DEPDC5: variants seen among roughly 807,000 people sequenced by gnomAD.
DEPDC5 encodes the protein GATOR1 complex protein DEPDC5.
In DEPDC5, 73 loss-of-function variants were observed where a neutral mutation model predicts 217.3. That is an observed-to-expected ratio of 0.34 (90% CI 0.28 to 0.41). The LOEUF (loss-of-function observed/expected upper bound fraction) is 0.41, where lower values mean the gene tolerates loss of function less well. Ranked by LOEUF, DEPDC5 falls within the 10% of genes least tolerant of loss-of-function variation. The probability of loss-of-function intolerance (pLI) is 1.00; values close to 1 mark genes in which losing one functional copy is unlikely to be tolerated. For synonymous variants in DEPDC5, 733 were observed against 756.7 expected (o/e 0.97, Z 0.51); for missense variants, 1,675 against 2,070.1 (o/e 0.81, Z 3.70).
intron 25 of DEPDC5, among the ~76,000 whole-genome samples, chr22:31,836,223 G>A (rs2090984533): frequency 6.6e-6 from 1 of 152,232 alleles, no homozygotes; most frequent in Admixed American, 6.5e-5. Context: ...CATCTAGTGA[G>A]TAGAGTCCAA....
At chr22:31,791,963 G>A (rs911452117) in intron 10 of DEPDC5, 70 bp from the exon 11 acceptor site, 6 of 617,564 alleles carry the variant, frequency 9.7e-6, no homozygotes, top group Admixed American at 2.6e-5. Flanking sequence ...AATATTATAT[G>A]CATGCAGTCT....
At chr22:31,887,254 A>G (rs1306352159) in intron 38 of DEPDC5, among the ~76,000 whole-genome samples, 1 of 151,774 alleles carries the variant, frequency 6.6e-6, no homozygotes, top group Non-Finnish European at 1.5e-5. Context: ...CCCTGTCTCT[A>G]CTAAAAATAC....
intron 4 of DEPDC5, among the ~76,000 whole-genome samples, chr22:31,761,371 G>A (rs1273490704): frequency 6.6e-6 from 1 of 152,078 alleles, no homozygotes; most frequent in Non-Finnish European, 1.5e-5. Context: ...TTATAGGTAA[G>A]AACATGCAGT....
chr22:31,827,039 A>G (rs2090207933), intron 24 of DEPDC5, among the ~76,000 whole-genome samples: 1 of 152,010 alleles, frequency 6.6e-6, no homozygotes, highest in African/African-American at 2.4e-5. Flanking sequence ...GACTACAGGC[A>G]CATACCACCA....
intron 10 of DEPDC5, 32 bp from the exon 11 acceptor site, chr22:31,792,001 C>A: frequency 3.1e-6 from 4 of 1,296,358 alleles, no homozygotes; most frequent in Non-Finnish European, 4.3e-6. Flanking sequence ...ATGAAACAAA[C>A]TTCAACCCTG....
intron 28 of DEPDC5, 85 bp from the exon 29 acceptor site, chr22:31,843,560 T>C: frequency 6.7e-7 from 1 of 1,488,072 alleles, no homozygotes; most frequent in Non-Finnish European, 9.1e-7. Context: ...AGGATGGTTC[T>C]AAGTGTATAG....
At chr22:31,828,531 C>T (rs1381066216) in intron 24 of DEPDC5, among the ~76,000 whole-genome samples, 1 of 150,510 alleles carries the variant, frequency 6.6e-6, no homozygotes, top group African/African-American at 2.4e-5. Context: ...CTGAAGTTAG[C>T]TTTCTCTCTA....
intron 24 of DEPDC5, among the ~76,000 whole-genome samples, chr22:31,829,393 G>A (rs1244804762): frequency 1.3e-5 from 2 of 152,158 alleles, no homozygotes; most frequent in Non-Finnish European, 1.5e-5. Flanking sequence ...TTAGCTGGGC[G>A]TGGTGGCGGG....
chr22:31,891,375 G>A, intron 38 of DEPDC5: 1 of 299,094 alleles, frequency 3.3e-6, no homozygotes. Context: ...GCTCTTTCAG[G>A]CGTTCTCTTA....
intron 10 of DEPDC5, among the ~76,000 whole-genome samples, chr22:31,786,823 T>G (rs1029201922): frequency 3.3e-5 from 5 of 152,040 alleles, no homozygotes; most frequent in Admixed American, 6.6e-5. Flanking sequence ...TTGCCCGGGC[T>G]ACTCTTTAAC....
chr22:31,768,580 C>G (rs1187489046), intron 6 of DEPDC5, among the ~76,000 whole-genome samples: 2 of 152,186 alleles, frequency 1.3e-5, no homozygotes, highest in African/African-American at 2.4e-5. Flanking sequence ...TTGCTATTAT[C>G]TATACTTGCC....
chr22:31,794,158 C>G (rs920917235), intron 12 of DEPDC5, among the ~76,000 whole-genome samples: 2 of 152,108 alleles, frequency 1.3e-5, no homozygotes, highest in Non-Finnish European at 2.9e-5. Flanking sequence ...ATTCCTCAAC[C>G]TCATACAGAT....
At chr22:31,870,490 T>A in intron 33 of DEPDC5, 100 bp from the exon 34 acceptor site, 1 of 1,270,476 alleles carries the variant, frequency 7.9e-7, no homozygotes, top group South Asian at 2.1e-5. Flanking sequence ...GTTTATTTTT[T>A]GTGAATGCTT....
At chr22:31,841,175 G>A (rs955517079) in intron 27 of DEPDC5, among the ~76,000 whole-genome samples, 2 of 152,372 alleles carry the variant, frequency 1.3e-5, no homozygotes, top group South Asian at 4.1e-4. Context: ...GCTGGCAAGT[G>A]AAAGTGCTGG....
At chr22:31,860,623 G>A (rs950346049) in intron 32 of DEPDC5, among the ~76,000 whole-genome samples, 1 of 152,148 alleles carries the variant, frequency 6.6e-6, no homozygotes, top group Non-Finnish European at 1.5e-5. Context: ...GGGAGGGAAT[G>A]ACAGCTTTAG....
chr22:31,804,370 T>C (rs1037524015), intron 16 of DEPDC5, 147 bp downstream of exon 16: 1 of 738,528 alleles, frequency 1.4e-6, no homozygotes, highest in Admixed American at 2.6e-5. Flanking sequence ...AGTTTCGGTA[T>C]AGTTTGCTAT....
intron 6 of DEPDC5, 93 bp from the exon 7 acceptor site, chr22:31,768,721 T>C (rs1432992410): frequency 7.2e-6 from 8 of 1,112,386 alleles, no homozygotes; most frequent in Non-Finnish European, 9.1e-6. Flanking sequence ...GTTTGTGATT[T>C]TTCATGGCCT....
chr22:31,885,313 G>A (rs1407946688), intron 38 of DEPDC5, among the ~76,000 whole-genome samples: 1 of 152,154 alleles, frequency 6.6e-6, no homozygotes, highest in Admixed American at 6.6e-5. Context: ...TCTGTGTCTG[G>A]TGTCCGTGAA....
At chr22:31,856,154 C>T (rs1040649508) in intron 31 of DEPDC5, among the ~76,000 whole-genome samples, 10 of 73,476 alleles carry the variant, frequency 1.4e-4, no homozygotes, top group African/African-American at 3.9e-4. Context: ...TGGGCCAACG[C>T]GCACACACAC....
Sources: gnomAD v4.1 joint callset for allele counts (sites outside exome capture counted in the v4.1 genomes callset) on GRCh38, gnomAD v4.1.1 for gene constraint, MANE v1.5 for transcripts, NCBI Gene and HGNC (gene_info 2026-07-23, HGNC 2026-07-21) for gene names.